Variants in RFXAP observed in about 807,000 individuals in gnomAD.
The protein encoded by RFXAP is regulatory factor X associated protein.
RFXAP carries 21 observed loss-of-function variants against 25.7 expected under a neutral mutation model. The ratio of observed to expected loss-of-function variants is 0.82; its 90% confidence interval spans 0.58 to 1.18. RFXAP has a LOEUF of 1.18. RFXAP is among the 50% of genes most tolerant of loss of function. The pLI is 0.00. For synonymous variants in RFXAP, 161 were observed against 152.2 expected (o/e 1.06, Z -0.43); for missense variants, 333 against 363.0 (o/e 0.92, Z 0.67).
At chr13:36,825,387 G>A (rs201965832) in intron 1 of RFXAP, 41 bp from the exon 2 acceptor site, 65 of 1,366,212 alleles carry the variant, frequency 4.8e-5, no homozygotes, top group South Asian at 1.4e-4. Context: ...GACTTATTAC[G>A]TTAACTGTTT....
At chr13:36,822,189 C>A (rs2057965095) in intron 1 of RFXAP, among the ~76,000 whole-genome samples, 1 of 151,772 alleles carries the variant, frequency 6.6e-6, no homozygotes, top group African/African-American at 2.4e-5. Flanking sequence ...CTCCTGGGTT[C>A]AAGCAGTTCT....
intron 1 of RFXAP, among the ~76,000 whole-genome samples, chr13:36,821,684 T>C (rs912783191): frequency 6.6e-6 from 1 of 152,104 alleles, no homozygotes; most frequent in African/African-American, 2.4e-5. Context: ...TATAATATTC[T>C]AAATATTTCT....
chr13:36,822,082 C>CT (rs931440843), intron 1 of RFXAP, among the ~76,000 whole-genome samples: 1 of 151,408 alleles, frequency 6.6e-6, no homozygotes, highest in Non-Finnish European at 1.5e-5. Context: ...AAAAATAATA[C>CT]TTTTTTTCTT....
chr13:36,827,421 T>G (rs2057981566), intron 2 of RFXAP, among the ~76,000 whole-genome samples: 1 of 152,212 alleles, frequency 6.6e-6, no homozygotes, highest in Admixed American at 6.6e-5. Context: ...AATAACAGAC[T>G]TCACCCGTTA....
chr13:36,819,567 C>G lies in RFXAP; in HGVS notation c.210C>G (p.Pro70=), dbSNP rs963351301. ...GGGGCAGCGTTGGGGCGGGCAAGCCCGTTAGGTACCTGTGCGAAGGGGCCG... is the reference window on the plus strand; with the variant it reads ...GGGGCAGCGTTGGGGCGGGCAAGCCGGTTAGGTACCTGTGCGAAGGGGCCG... ...APGGSVGAGK[P]VRYLCEGAGD... Residue 70 remains proline (P), a synonymous_variant, in exon 1 of 3, where the codon CCC becomes CCG. Transcript: ENST00000255476. 2 of 1,526,724 alleles carry G rather than the reference C, an allele frequency of 1.3e-6. No individual in the cohort carries two copies. Among genetic ancestry groups the G allele is most frequent in the African/African-American group, 1.4e-5 (1 of 72,612 alleles). The allele number at this position is 1,526,724 out of a possible 1,614,324, so 94.6% of individuals were successfully genotyped here.
Position 36,819,275 on chromosome 13 carries a change from T to G in RFXAP, c.-83T>G, listed in dbSNP as rs973645652. The G allele has an allele frequency of 2.5e-5, 30 of 1,195,140 alleles. No individual in the cohort carries two copies. Among genetic ancestry groups the G allele is most frequent in the Non-Finnish European group, 3.0e-5 (29 of 957,078 alleles). The allele number at this position is 1,195,140 out of a possible 1,614,324, so 74.0% of individuals were successfully genotyped here. Reference sequence around the variant, plus strand: ...AGGCGCCTTTTACCCCAGCGTGTCCTGAGTCTTTGGTTCGCGAAGTGCCGT... The same window carrying G: ...AGGCGCCTTTTACCCCAGCGTGTCCGGAGTCTTTGGTTCGCGAAGTGCCGT... On this transcript the variant is annotated 5_prime_UTR_variant, in exon 1 of 3. Coordinates refer to ENST00000255476, the MANE Select transcript of RFXAP (RefSeq NM_000538.4).
Position 36,819,830 on chromosome 13 carries a change from A to C in RFXAP, c.473A>C (p.Lys158Thr). 1 of 1,604,788 alleles carries C rather than the reference A, an allele frequency of 6.2e-7. No homozygotes were observed. The highest frequency in any genetic ancestry group is 8.5e-7 in the Non-Finnish European group (1 of 1,175,246). Residue 158 changes from lysine (K) to threonine (T), a missense_variant, in exon 1 of 3, where the codon AAA becomes ACA. Transcript: ENST00000255476. ...ETTSQVAKQR[K>T]PWMCKKHRNK... ...ACGAGCCAGGTGGCCAAGCAGCGCAAACCGTGGATGTGCAAGAAACACCGC... is the reference window on the plus strand; with the variant it reads ...ACGAGCCAGGTGGCCAAGCAGCGCACACCGTGGATGTGCAAGAAACACCGC...
intron 1 of RFXAP, among the ~76,000 whole-genome samples, chr13:36,824,090 G>T (rs187837850): frequency 2.6e-5 from 4 of 152,270 alleles, no homozygotes; most frequent in Admixed American, 2.0e-4. Context: ...TACAAGTTTG[G>T]ACTAGATGAC....
intron 1 of RFXAP, among the ~76,000 whole-genome samples, chr13:36,822,807 T>C (rs1002681190): frequency 2.0e-5 from 3 of 152,216 alleles, no homozygotes. Flanking sequence ...ACTTTATCAG[T>C]TCTGAGGAGG....
At chr13:36,821,410 C>T (rs1023857748) in intron 1 of RFXAP, among the ~76,000 whole-genome samples, 1 of 151,888 alleles carries the variant, frequency 6.6e-6, no homozygotes, top group Non-Finnish European at 1.5e-5. Context: ...CCTGTAAGCC[C>T]AGAACTTGGG....
intron 1 of RFXAP, among the ~76,000 whole-genome samples, chr13:36,825,202 A>C (rs1043391431): frequency 5.3e-5 from 8 of 152,182 alleles, no homozygotes; most frequent in Admixed American, 6.5e-5. Context: ...AGACTAAAGA[A>C]CCCAGGTTGA....
In RFXAP at chr13:36,819,927, G is replaced by T; in HGVS notation, c.570G>T (p.Ser190=). 3 of 1,613,860 alleles carry T rather than the reference G, an allele frequency of 1.9e-6. No homozygotes were observed. Among genetic ancestry groups the T allele is most frequent in the South Asian group, 2.2e-5 (2 of 90,956 alleles). The change falls in exon 1 of 3, where the codon TCG becomes TCT. Residue 190 remains serine (S), a synonymous_variant. Transcript: ENST00000255476. ...CCCTGAACTGCGGTGGGACTGCCTC[G>T]ACTGGCAGCGCGGGAAACGTCAAAC... ...DQALNCGGTA[S]TGSAGNVKLE... is the part of the protein sequence containing the mutation.
intron 1 of RFXAP, 49 bp downstream of exon 1, chr13:36,820,006 C>A: frequency 1.9e-6 from 3 of 1,598,520 alleles, no homozygotes. Flanking sequence ...AGAAGAAACC[C>A]GATCTTAACG....
chr13:36,825,319 A>G, intron 1 of RFXAP, 109 bp from the exon 2 acceptor site: 3 of 827,050 alleles, frequency 3.6e-6, no homozygotes, highest in Non-Finnish European at 4.0e-6. Context: ...AGACTGGGCA[A>G]GAAGAAGGAA....
At chr13:36,819,983 G>C (rs895240050) in intron 1 of RFXAP, 26 bp downstream of exon 1, 2 of 1,611,264 alleles carry the variant, frequency 1.2e-6, no homozygotes, top group Admixed American at 1.7e-5. Context: ...GAGGCCTGGG[G>C]ATGGGAGGTG....
chr13:36,821,485 AC>A (rs995155511), intron 1 of RFXAP, among the ~76,000 whole-genome samples: 1 of 151,720 alleles, frequency 6.6e-6, no homozygotes, highest in Non-Finnish European at 1.5e-5. Context: ...ACATAGGGAG[AC>A]CCCATCTCAA....
At chr13:36,825,895 T>C (rs1052258187) in intron 2 of RFXAP, among the ~76,000 whole-genome samples, 2 of 145,574 alleles carry the variant, frequency 1.4e-5, no homozygotes, top group African/African-American at 5.3e-5. Context: ...ATATTCCTGG[T>C]TGGGCATTGT....
chr13:36,820,250 G>C (rs1210046052), intron 1 of RFXAP, among the ~76,000 whole-genome samples: 1 of 152,196 alleles, frequency 6.6e-6, no homozygotes, highest in African/African-American at 2.4e-5. Context: ...TAGAGTAAAT[G>C]ATCGGTCTGG....
chr13:36,820,878 C>T (rs926749300), intron 1 of RFXAP, among the ~76,000 whole-genome samples: 5 of 152,058 alleles, frequency 3.3e-5, no homozygotes, highest in African/African-American at 1.2e-4. Context: ...AATATGTGAG[C>T]CATTCCATAT....
Sources: allele counts gnomAD v4.1 joint callset (sites outside exome capture counted in the v4.1 genomes callset), GRCh38; gene constraint gnomAD v4.1.1; transcripts MANE v1.5; gene names NCBI Gene and HGNC (gene_info 2026-07-23, HGNC 2026-07-21).